HOOK3: variants seen among roughly 807,000 people sequenced by gnomAD.
The protein encoded by HOOK3 is hook microtubule tethering protein 3.
HOOK3 carries 24 observed loss-of-function variants against 116.3 expected under a neutral mutation model. The ratio of observed to expected loss-of-function variants is 0.21; its 90% CI spans 0.15 to 0.29. The LOEUF (loss-of-function observed/expected upper bound fraction) is 0.29, where lower values mean the gene tolerates loss of function less well. Ranked by LOEUF, HOOK3 falls within the 10% of genes least tolerant of loss-of-function variation. The pLI is 1.00. For synonymous variants in HOOK3, 275 were observed against 283.0 expected (o/e 0.97, Z 0.28); for missense variants, 632 against 830.2 (o/e 0.76, Z 2.93).
chr8:42,975,830 C>T (rs1808812639), intron 13 of HOOK3, among the ~76,000 whole-genome samples: 1 of 152,138 alleles, frequency 6.6e-6, no homozygotes, highest in Admixed American at 6.5e-5. Context: ...CACAGCCTCC[C>T]TAGTAGCTGG....
At chr8:42,912,502 T>C (rs1314794027) in intron 2 of HOOK3, among the ~76,000 whole-genome samples, 1 of 152,198 alleles carries the variant, frequency 6.6e-6, no homozygotes, top group Admixed American at 6.5e-5. Context: ...GTTCTGGAGA[T>C]GGGTGGTGGT....
At chr8:42,989,515 A>C (rs907614297) in intron 15 of HOOK3, among the ~76,000 whole-genome samples, 1 of 152,120 alleles carries the variant, frequency 6.6e-6, no homozygotes, top group Non-Finnish European at 1.5e-5. Context: ...GTTACATGAG[A>C]TAGTTTGATA....
At chr8:42,956,469 A>G (rs937854094) in intron 6 of HOOK3, among the ~76,000 whole-genome samples, 1 of 152,164 alleles carries the variant, frequency 6.6e-6, no homozygotes, top group Admixed American at 6.5e-5. Flanking sequence ...GAAAATGAGC[A>G]TCAGAATTTA....
intron 20 of HOOK3, 79 bp downstream of exon 20, chr8:43,013,234 T>C (rs1809646173): frequency 1.4e-6 from 2 of 1,395,154 alleles, no homozygotes; most frequent in Non-Finnish European, 2.0e-6. Context: ...TTTACAATTG[T>C]GTTCATGAGT....
rs575405164 is a variant in HOOK3 at position 42,943,282 on chromosome 8, A to G, written c.268-31A>G. The G allele has an allele frequency of 2.9e-6, 4 of 1,366,280 alleles. No homozygotes were observed. In the African/African-American group the frequency reaches 4.4e-5, roughly 15 times the overall value. The allele number at this position is 1,366,280 out of a possible 1,614,324, so 84.6% of individuals were successfully genotyped here. ...TTTTTTTTTGGTCATATAAATGTAA[A>G]TGCAATTATAATCCTTTTATCTCCA... On this transcript the variant is annotated intron_variant, in intron 4 of 21. Coordinates refer to ENST00000307602, the MANE Select transcript of HOOK3 (RefSeq NM_032410.4).
In HOOK3 at chr8:43,025,190, A is replaced by G. The variant is rs1239333203; in HGVS notation, c.*6692A>G. 4.9e-6 allele frequency: 1 copy of G among 205,924 alleles called. No individual in the cohort carries two copies. The highest frequency in any genetic ancestry group is 2.3e-5 in the African/African-American group (1 of 43,886). 12.8% of individuals were successfully genotyped at this position (205,924 alleles called of 1,614,324 possible). The stretch of plus-strand genomic sequence containing the variant: ...GGGGTTATAAATGTTTTCCTATGAT[A>G]GATAAATATATAGATATAGATCAGG... On this transcript the variant is annotated 3_prime_UTR_variant, in exon 22 of 22. Coordinates refer to ENST00000307602, the MANE Select transcript of HOOK3 (RefSeq NM_032410.4).
chr8:42,924,542 T>G (rs1807726122), intron 2 of HOOK3, among the ~76,000 whole-genome samples: 1 of 152,224 alleles, frequency 6.6e-6, no homozygotes, highest in African/African-American at 2.4e-5. Flanking sequence ...AGAAAATAGA[T>G]TCTCGGTATA....
chr8:42,904,208 T>A (rs1807254272), intron 1 of HOOK3, among the ~76,000 whole-genome samples: 1 of 152,156 alleles, frequency 6.6e-6, no homozygotes, highest in Non-Finnish European at 1.5e-5. Flanking sequence ...TTGTCTGTAC[T>A]GAGTTTAGCT....
chr8:42,966,394 A>G (rs1250187879), intron 9 of HOOK3, 79 bp from the exon 10 acceptor site: 10 of 1,445,090 alleles, frequency 6.9e-6, no homozygotes, highest in Middle Eastern at 2.1e-4. Flanking sequence ...CTCATGCTTT[A>G]TATCTTTCTT....
intron 11 of HOOK3, among the ~76,000 whole-genome samples, chr8:42,970,151 G>A (rs1227796387): frequency 2.0e-5 from 3 of 152,152 alleles, no homozygotes; most frequent in African/African-American, 7.2e-5. Context: ...TTGTCTGTGT[G>A]GATAACCAGT....
At chr8:42,917,616 T>A (rs921211574) in intron 2 of HOOK3, among the ~76,000 whole-genome samples, 2 of 152,200 alleles carry the variant, frequency 1.3e-5, no homozygotes, top group African/African-American at 2.4e-5. Context: ...CCAAATATAT[T>A]TTTTATTATA....
intron 4 of HOOK3, among the ~76,000 whole-genome samples, chr8:42,933,389 A>T (rs1328219572): frequency 6.6e-6 from 1 of 152,236 alleles, no homozygotes; most frequent in Non-Finnish European, 1.5e-5. Flanking sequence ...TGGAAAGGTA[A>T]CATGATGCAT....
chr8:42,932,020 C>T (rs1355491463), intron 4 of HOOK3, among the ~76,000 whole-genome samples: 1 of 152,062 alleles, frequency 6.6e-6, no homozygotes, highest in Non-Finnish European at 1.5e-5. Context: ...CCCAAAGTGC[C>T]TGAGCCACTG....
chr8:42,943,139 C>T (rs1808160658), intron 4 of HOOK3, among the ~76,000 whole-genome samples, 174 bp from the exon 5 acceptor site: 1 of 151,648 alleles, frequency 6.6e-6, no homozygotes, highest in African/African-American at 2.4e-5. Context: ...TGCTGTGACT[C>T]AAGATAGTTA....
chr8:42,906,191 G>C lies in HOOK3; in HGVS notation c.76G>C (p.Asp26His). 6.3e-7 allele frequency: 1 copy of C among 1,590,090 alleles called. No homozygotes were observed. The highest frequency in any genetic ancestry group is 8.6e-7 in the Non-Finnish European group (1 of 1,163,480). The change falls in exon 2 of 22, where the codon GAT becomes CAT. Residue 26 changes from aspartate (D) to histidine (H), a missense_variant. Coordinates refer to ENST00000307602, the MANE Select transcript of HOOK3 (RefSeq NM_032410.4). ...LLTWIQTFNVDAPCQTVEDLT... is the reference protein window; with the variant it reads ...LLTWIQTFNVHAPCQTVEDLT... ...CCTTCAGATCCAGACATTTAATGTG[G>C]ATGCACCATGCCAGACCGTGGAAGA...
intron 2 of HOOK3, among the ~76,000 whole-genome samples, chr8:42,923,850 T>C (rs1291350916): frequency 6.6e-6 from 1 of 152,196 alleles, no homozygotes; most frequent in African/African-American, 2.4e-5. Flanking sequence ...AAATAGATAA[T>C]GAAGTTAATA....
At chr8:42,932,074 T>G (rs1807885195) in intron 4 of HOOK3, among the ~76,000 whole-genome samples, 1 of 152,160 alleles carries the variant, frequency 6.6e-6, no homozygotes, top group Non-Finnish European at 1.5e-5. Context: ...GAAATGAGGT[T>G]GGAGCCAGAC....
intron 5 of HOOK3, among the ~76,000 whole-genome samples, chr8:42,945,847 G>GC (rs1190851978): frequency 4.6e-5 from 7 of 152,096 alleles, no homozygotes; most frequent in Non-Finnish European, 1.0e-4. Flanking sequence ...TGTGTATACA[G>GC]CAAGTCCAAG....
At chr8:42,902,306 C>CTGT (rs1807207109) in intron 1 of HOOK3, among the ~76,000 whole-genome samples, 1 of 151,044 alleles carries the variant, frequency 6.6e-6, no homozygotes, top group Non-Finnish European at 1.5e-5. Context: ...GGGTCTCACT[C>CTGT]TGTTGCCCAG....
Sources: gnomAD v4.1 joint callset for allele counts (sites outside exome capture counted in the v4.1 genomes callset) on GRCh38, gnomAD v4.1.1 for gene constraint, MANE v1.5 for transcripts, NCBI Gene and HGNC (gene_info 2026-07-23, HGNC 2026-07-21) for gene names.